GALNT17: variants seen among roughly 807,000 people sequenced by gnomAD.
The protein encoded by GALNT17 is UDP-GalNAc:polypeptide N-acetylgalactosaminyltransferase-like 3.
Under a neutral mutation model 63.7 loss-of-function variants are expected in GALNT17, and 29 were observed. The observed-to-expected ratio is 0.46, with a 90% CI of 0.34 to 0.62. GALNT17 has a LOEUF of 0.62. GALNT17 is among the 20% of genes least tolerant of loss of function. The probability of loss-of-function intolerance (pLI) is 0.01; values close to 1 mark genes in which losing one functional copy is unlikely to be tolerated. For missense variants in GALNT17, 603 were observed against 799.6 expected, an observed-to-expected ratio of 0.75 and a Z score of 2.97; for synonymous variants, 305 against 318.3, an observed-to-expected ratio of 0.96 and a Z score of 0.45.
chr7:71,286,268 C>T (rs1295055288), intron 1 of GALNT17, among the ~76,000 whole-genome samples: 1 of 152,228 alleles, frequency 6.6e-6, no homozygotes, highest in African/African-American at 2.4e-5. Context: ...ACGTTGATTA[C>T]TTCTGGAAGT....
intron 5 of GALNT17, among the ~76,000 whole-genome samples, chr7:71,530,994 A>G (rs1788711414): frequency 1.3e-5 from 2 of 152,244 alleles, no homozygotes; most frequent in Admixed American, 1.3e-4. Context: ...AATATGGTAG[A>G]TACATGTGGC....
intron 8 of GALNT17, among the ~76,000 whole-genome samples, chr7:71,676,130 G>T (rs1584129242): frequency 6.6e-6 from 1 of 152,278 alleles, no homozygotes; most frequent in Middle Eastern, 3.4e-3. Flanking sequence ...CCCTAGGGTG[G>T]TGGTGGGATG....
At chr7:71,185,059 C>T (rs1386647195) in intron 1 of GALNT17, among the ~76,000 whole-genome samples, 2 of 143,306 alleles carry the variant, frequency 1.4e-5, no homozygotes, top group Non-Finnish European at 3.0e-5. Context: ...TCCTCCTCCT[C>T]CTTCTGCTTC....
At chr7:71,693,992 C>T (rs977009154) in intron 9 of GALNT17, among the ~76,000 whole-genome samples, 3 of 151,984 alleles carry the variant, frequency 2.0e-5, no homozygotes, top group Non-Finnish European at 4.4e-5. Context: ...CTGATAAAGT[C>T]GTACCTGAGA....
At chr7:71,616,447 A>C (rs1260152922) in intron 6 of GALNT17, among the ~76,000 whole-genome samples, 1 of 147,506 alleles carries the variant, frequency 6.8e-6, no homozygotes, top group African/African-American at 2.5e-5. Context: ...TATTTTTATT[A>C]TTTATTTAGT....
At chr7:71,163,743 T>C (rs945395994) in intron 1 of GALNT17, among the ~76,000 whole-genome samples, 3 of 152,198 alleles carry the variant, frequency 2.0e-5, no homozygotes, top group Non-Finnish European at 4.4e-5. Flanking sequence ...GAAGGCCTCT[T>C]AGATAGAGGC....
At chr7:71,494,462 C>T (rs1295710842) in intron 5 of GALNT17, among the ~76,000 whole-genome samples, 2 of 152,142 alleles carry the variant, frequency 1.3e-5, no homozygotes, top group African/African-American at 4.8e-5. Flanking sequence ...CCTCCTGCCT[C>T]AGCCTCCCAA....
rs903836167 is a variant in GALNT17 at position 71,388,282 on chromosome 7, T to C, written c.470T>C (p.Ile157Thr). The C allele has an allele frequency of 7.4e-6, 12 of 1,613,934 alleles. No homozygotes were observed. Among genetic ancestry groups the C allele is most frequent in the Non-Finnish European group, 9.3e-6 (11 of 1,180,012 alleles). The change falls in exon 3 of 11, where the codon ATA becomes ACA. Residue 157 changes from isoleucine to threonine, a missense_variant. Physicochemically the swap from Ile to Thr is moderately conservative, Grantham distance 89. Around this residue, in one of 3 missense-constraint regions of GALNT17, gnomAD observed 195 missense variants for 215.0 expected, o/e 0.91. Transcript: ENST00000333538. ...YSKDLPQISIIFIFVNEALSV... is the reference protein window; with the variant it reads ...YSKDLPQISITFIFVNEALSV... Reference sequence around the variant, plus strand: ...AAGGACCTGCCCCAGATATCCATCATATTCATCTTCGTGAACGAGGCCCTG... The same window carrying C: ...AAGGACCTGCCCCAGATATCCATCACATTCATCTTCGTGAACGAGGCCCTG...
At chr7:71,652,061 C>A (rs1345272505) in intron 6 of GALNT17, among the ~76,000 whole-genome samples, 2 of 152,022 alleles carry the variant, frequency 1.3e-5, no homozygotes, top group Non-Finnish European at 2.9e-5. Context: ...TACATAGTAA[C>A]AGCAACAAAA....
intron 1 of GALNT17, among the ~76,000 whole-genome samples, chr7:71,229,181 G>A (rs17142946): frequency 0.15 from 22,135 of 152,242 alleles, 2,431 homozygotes; most frequent in African/African-American, 0.31. Context: ...TATGATCATG[G>A]GTGGATGGCC....
At chr7:71,387,114 G>A (rs1003594101) in intron 2 of GALNT17, among the ~76,000 whole-genome samples, 1 of 151,904 alleles carries the variant, frequency 6.6e-6, no homozygotes, top group Non-Finnish European at 1.5e-5. Flanking sequence ...TCCTGTGGGT[G>A]ATGGGGGCTT....
At chr7:71,664,623 A>G (rs1790956705) in intron 6 of GALNT17, among the ~76,000 whole-genome samples, 1 of 152,062 alleles carries the variant, frequency 6.6e-6, no homozygotes, top group Non-Finnish European at 1.5e-5. Flanking sequence ...AACAAAATAA[A>G]ACAAAACTTA....
chr7:71,344,390 T>G (rs1474193813), intron 2 of GALNT17, among the ~76,000 whole-genome samples: 3 of 152,132 alleles, frequency 2.0e-5, no homozygotes, highest in Non-Finnish European at 2.9e-5. Context: ...TGGAAAACTT[T>G]TGGCTAGAGA....
intron 9 of GALNT17, among the ~76,000 whole-genome samples, chr7:71,696,670 C>G (rs1242757106): frequency 6.6e-6 from 1 of 152,152 alleles, no homozygotes; most frequent in East Asian, 1.9e-4. Flanking sequence ...TAGATCATCT[C>G]AAATGGAAAA....
At chr7:71,178,341 CT>C (rs1788675276) in intron 1 of GALNT17, among the ~76,000 whole-genome samples, 1 of 152,014 alleles carries the variant, frequency 6.6e-6, no homozygotes, top group South Asian at 2.1e-4. Flanking sequence ...AAGATTTTAA[CT>C]TTGTATTTTA....
chr7:71,697,905 C>T (rs954263833), intron 9 of GALNT17, among the ~76,000 whole-genome samples: 1 of 151,900 alleles, frequency 6.6e-6, no homozygotes, highest in Non-Finnish European at 1.5e-5. Flanking sequence ...GGCAGATCAC[C>T]TGAGGTCAGG....
chr7:71,356,124 C>A (rs1792280509), intron 2 of GALNT17, among the ~76,000 whole-genome samples: 2 of 151,912 alleles, frequency 1.3e-5, no homozygotes, highest in South Asian at 4.2e-4. Flanking sequence ...TTACAGACGC[C>A]CACCACCACA....
At chr7:71,246,493 A>T (rs571532194) in intron 1 of GALNT17, among the ~76,000 whole-genome samples, 1 of 149,474 alleles carries the variant, frequency 6.7e-6, no homozygotes, top group African/African-American at 2.4e-5. Flanking sequence ...GGTCATTTAA[A>T]TTATGGTATA....
intron 5 of GALNT17, among the ~76,000 whole-genome samples, chr7:71,463,701 TC>T (rs1787489308): frequency 6.6e-6 from 1 of 152,174 alleles, no homozygotes; most frequent in African/African-American, 2.4e-5. Flanking sequence ...TGAGGGTTCC[TC>T]CCCTTTTTAG....
Sources: gnomAD v4.1 joint callset for allele counts (sites outside exome capture counted in the v4.1 genomes callset) on GRCh38, gnomAD v4.1.1 for gene constraint, gnomAD v4.1.1 regional missense constraint, MANE v1.5 for transcripts, NCBI Gene and HGNC (gene_info 2026-07-23, HGNC 2026-07-21) for gene names.